The following TPP2 variants were observed in gnomAD, a reference collection of about 807,000 sequenced individuals.
The protein encoded by TPP2 is tripeptidyl-peptidase 2.
A neutral mutation model predicts 155.9 loss-of-function variants in TPP2; 34 were observed. That is an observed-to-expected ratio of 0.22 (90% CI 0.17 to 0.29). The LOEUF is 0.29. Ranked by LOEUF, TPP2 falls within the 10% of genes least tolerant of loss-of-function variation. TPP2 has a pLI of 1.00. For missense variants in TPP2, 1,028 were observed against 1,522.3 expected (o/e 0.68, Z 5.40); for synonymous variants, 510 against 529.4 (o/e 0.96, Z 0.50).
rs1883170648 is a variant in TPP2 at position 102,647,242 on chromosome 13, A to G, written c.2526A>G (p.Leu842=). ...GGGAAGTAACTCCAAGCTGCCCACT[A>G]CTTTGTGAACTATTATATGAATCTG... ...KSGEVTPSCP[L]LCELLYESEF... Residue 842 remains leucine (L), a synonymous_variant, in exon 21 of 30, where the codon CTA becomes CTG. Transcript: ENST00000376052. 1.2e-6 allele frequency: 2 copies of G among 1,613,742 alleles called. No homozygotes were observed. The highest frequency in any genetic ancestry group is 1.7e-6 in the Non-Finnish European group (2 of 1,179,880).
Position 102,678,099 on chromosome 13 carries a change from G to A in TPP2, c.3700-128G>A, listed in dbSNP as rs1885405873. On this transcript the variant is annotated intron_variant, in intron 29 of 29. Transcript: ENST00000376052. Reference sequence around the variant, plus strand: ...AAGGAGGATCAATGGGTGGGTGACGGTTGGTGGAAGGAAGGTTCTATATGC... The same window carrying A: ...AAGGAGGATCAATGGGTGGGTGACGATTGGTGGAAGGAAGGTTCTATATGC... The A allele has an allele frequency of 4.5e-6, 4 of 898,324 alleles. No individual in the cohort carries two copies. In the South Asian group the frequency reaches 8.4e-5, roughly 19 times the overall value. The allele number at this position is 898,324 out of a possible 1,614,324, so 55.6% of individuals were successfully genotyped here.
intron 9 of TPP2, among the ~76,000 whole-genome samples, 180 bp downstream of exon 9, chr13:102,629,789 T>G (rs1881892733): frequency 6.6e-6 from 1 of 152,214 alleles, no homozygotes; most frequent in African/African-American, 2.4e-5. Flanking sequence ...TAATTTAAAG[T>G]GGACTGAAAT....
chr13:102,660,742 A>C (rs1566365902), intron 25 of TPP2, among the ~76,000 whole-genome samples: 1 of 152,244 alleles, frequency 6.6e-6, no homozygotes. Context: ...AGAAAGCAAC[A>C]GTAAACAAGA....
intron 12 of TPP2, 78 bp downstream of exon 12, chr13:102,635,780 T>A (rs1425472528): frequency 1.8e-6 from 2 of 1,126,462 alleles, no homozygotes; most frequent in Admixed American, 1.9e-5. Context: ...TAATATTTTG[T>A]TTTATAACAG....
At chr13:102,667,899 G>C (rs1234073503) in intron 27 of TPP2, 1 of 881,290 alleles carries the variant, frequency 1.1e-6, no homozygotes, top group African/African-American at 1.8e-5. Context: ...CAGTGAAAGA[G>C]TGGGCTAGGG....
intron 6 of TPP2, among the ~76,000 whole-genome samples, chr13:102,626,660 G>A (rs1055484133): frequency 1.3e-5 from 2 of 152,132 alleles, no homozygotes; most frequent in Non-Finnish European, 2.9e-5. Context: ...GCATCTTTTT[G>A]TGGCTTAATT....
At chr13:102,605,458 T>A (rs1165063078) in intron 2 of TPP2, among the ~76,000 whole-genome samples, 1 of 152,216 alleles carries the variant, frequency 6.6e-6, no homozygotes, top group East Asian at 1.9e-4. Context: ...TCACAAGAAA[T>A]GAATCATTGG....
chr13:102,626,782 C>CT (rs1371681416), intron 6 of TPP2: 5 of 315,670 alleles, frequency 1.6e-5, no homozygotes, highest in African/African-American at 8.6e-5. Context: ...GGGATTCTCC[C>CT]TTTTTTTATT....
intron 2 of TPP2, among the ~76,000 whole-genome samples, chr13:102,611,152 A>G (rs1230236294): frequency 6.6e-6 from 1 of 152,196 alleles, no homozygotes; most frequent in African/African-American, 2.4e-5. Flanking sequence ...ATTAAGTTTC[A>G]TTGCTGTGCA....
intron 27 of TPP2, 98 bp downstream of exon 27, chr13:102,665,023 G>A: frequency 3.6e-6 from 5 of 1,401,982 alleles, no homozygotes; most frequent in Non-Finnish European, 4.9e-6. Flanking sequence ...CTTTTCTGAT[G>A]TTTGTTATAT....
intron 1 of TPP2, among the ~76,000 whole-genome samples, chr13:102,599,998 A>G (rs969955302): frequency 6.6e-6 from 1 of 152,100 alleles, no homozygotes; most frequent in Non-Finnish European, 1.5e-5. Context: ...AAAAAAAAAA[A>G]AAACCTTGTA....
chr13:102,640,224 G>T, intron 15 of TPP2, 46 bp from the exon 16 acceptor site: 1 of 1,350,690 alleles, frequency 7.4e-7, no homozygotes, highest in Non-Finnish European at 1.0e-6. Flanking sequence ...AGTATCTGTG[G>T]TCTTATAATA....
chr13:102,619,275 T>TA (rs1222648131), intron 5 of TPP2, among the ~76,000 whole-genome samples: 3 of 152,224 alleles, frequency 2.0e-5, no homozygotes, highest in Non-Finnish European at 2.9e-5. Flanking sequence ...TATACCAAGT[T>TA]ACCCATCATG....
chr13:102,622,815 A>C, intron 5 of TPP2, 62 bp from the exon 6 acceptor site: 1 of 1,523,308 alleles, frequency 6.6e-7, no homozygotes, highest in Non-Finnish European at 8.9e-7. Context: ...AGACTATGTT[A>C]CATGATTTTT....
intron 27 of TPP2, among the ~76,000 whole-genome samples, chr13:102,671,742 G>T (rs1242956984): frequency 6.6e-6 from 1 of 152,056 alleles, no homozygotes; most frequent in African/African-American, 2.4e-5. Flanking sequence ...GGAGGACGGG[G>T]CTCAGGCAAA....
At chr13:102,659,370 A>G (rs1389227399) in intron 25 of TPP2, among the ~76,000 whole-genome samples, 3 of 152,204 alleles carry the variant, frequency 2.0e-5, no homozygotes, top group Admixed American at 6.5e-5. Flanking sequence ...CAGGGAACTC[A>G]ATGAACTCAA....
Position 102,674,156 on chromosome 13 carries a change from C to A in TPP2, c.3372-127C>A, listed in dbSNP as rs551837272. 4.7e-4 allele frequency: 450 copies of A among 959,330 alleles called. 6 individuals are homozygous for A. In the South Asian group the frequency reaches 6.9e-3, roughly 15 times the overall value. 59.4% of individuals were successfully genotyped at this position (959,330 alleles called of 1,614,324 possible). On this transcript the variant is annotated intron_variant, in intron 27 of 29. Coordinates refer to ENST00000376052, the MANE Select transcript of TPP2 (RefSeq NM_001330588.2). The stretch of plus-strand genomic sequence containing the variant: ...TTGATGTACAATACAATTGTACGTA[C>A]CTGGATATACAGTATTTCTGCATTA...
intron 5 of TPP2, among the ~76,000 whole-genome samples, chr13:102,619,623 G>A (rs1265872984): frequency 6.6e-6 from 1 of 152,182 alleles, no homozygotes; most frequent in African/African-American, 2.4e-5. Flanking sequence ...TTAAAGGAGG[G>A]TTCTCCTCCC....
intron 2 of TPP2, among the ~76,000 whole-genome samples, chr13:102,613,600 C>T (rs992671862): frequency 6.6e-6 from 1 of 152,186 alleles, no homozygotes; most frequent in Non-Finnish European, 1.5e-5. Flanking sequence ...CCAGATTTAT[C>T]TGACTTTAAA....
Sources: gnomAD v4.1 joint callset for allele counts (sites outside exome capture counted in the v4.1 genomes callset) on GRCh38, gnomAD v4.1.1 for gene constraint, MANE v1.5 for transcripts, NCBI Gene and HGNC (gene_info 2026-07-23, HGNC 2026-07-21) for gene names.